The following ITCH variants were observed in gnomAD, a reference collection of about 807,000 sequenced individuals.
The protein encoded by ITCH is E3 ubiquitin-protein ligase Itchy homolog.
Under a neutral mutation model 126.8 loss-of-function variants are expected in ITCH, and 28 were observed. The observed-to-expected ratio is 0.22, with a 90% confidence interval of 0.16 to 0.30. The LOEUF (loss-of-function observed/expected upper bound fraction) is 0.30. Among genes scored for constraint, ITCH ranks in the 10% least tolerant of loss-of-function variants. ITCH has a pLI of 1.00. For synonymous variants in ITCH, 342 were observed against 340.0 expected, an observed-to-expected ratio of 1.01 and a Z score of -0.06; for missense variants, 631 against 1,032.4, an observed-to-expected ratio of 0.61 and a Z score of 5.33.
At chr20:34,460,352 C>CTTTTTT (rs749083015) in intron 13 of ITCH, among the ~76,000 whole-genome samples, 1 of 108,970 alleles carries the variant, frequency 9.2e-6, no homozygotes, top group African/African-American at 3.5e-5. Flanking sequence ...CCACACCCAG[C>CTTTTTT]TTTTTTTTTT....
intron 24 of ITCH, 33 bp downstream of exon 24, chr20:34,504,436 C>T (rs1386944357): frequency 7.1e-7 from 1 of 1,401,746 alleles, no homozygotes; most frequent in Non-Finnish European, 1.0e-6. Context: ...GAGAAAACAG[C>T]TTTTGTCCAG....
At chr20:34,365,181 A>G (rs1468119443) in intron 1 of ITCH, among the ~76,000 whole-genome samples, 2 of 152,098 alleles carry the variant, frequency 1.3e-5, no homozygotes, top group Non-Finnish European at 2.9e-5. Flanking sequence ...AGCCTGGGTG[A>G]CAGAGTGAGA....
At chr20:34,439,297 A>G (rs960016505) in intron 8 of ITCH, among the ~76,000 whole-genome samples, 5 of 152,134 alleles carry the variant, frequency 3.3e-5, no homozygotes, top group African/African-American at 1.2e-4. Context: ...ATTTTTTGAG[A>G]CAGGGTCTCA....
At position 34,420,603 on chromosome 20, in the gene ITCH, G is replaced by A. The variant is rs1360785539; in HGVS notation, c.476-3877G>A. On this transcript the variant is annotated intron_variant, in intron 6 of 24. Transcript: ENST00000374864. Reference sequence around the variant, plus strand: ...TTCATTTCTTTTGGATATATACCTAGGAGTAGAATTGCTGATGCTTGTTTT... The same window carrying A: ...TTCATTTCTTTTGGATATATACCTAAGAGTAGAATTGCTGATGCTTGTTTT... 3.3e-5 allele frequency among the ~76,000 whole-genome samples: 5 copies of A among 152,158 alleles called. 1 individual carries two copies. In the East Asian group the frequency reaches 9.6e-4, roughly 29 times the overall value.
intron 20 of ITCH, among the ~76,000 whole-genome samples, chr20:34,487,299 G>A (rs563749283): frequency 1.1e-4 from 17 of 152,102 alleles, no homozygotes; most frequent in Admixed American, 8.5e-4. Context: ...GGCATGAGCC[G>A]CCGTGCCCAG....
chr20:34,456,643 A>AAAT (rs1986028481), intron 12 of ITCH, among the ~76,000 whole-genome samples: 1 of 143,586 alleles, frequency 7.0e-6, no homozygotes, highest in African/African-American at 2.6e-5. Context: ...CAAAAAAAAA[A>AAAT]ATATATATAT....
Position 34,489,271 on chromosome 20 carries a change from T to C in ITCH, c.2099T>C (p.Val700Ala). The C allele has an allele frequency of 6.2e-7, 1 of 1,613,642 alleles. No individual in the cohort carries two copies. The highest frequency in any genetic ancestry group is 8.5e-7 in the Non-Finnish European group (1 of 1,179,628). The stretch of plus-strand genomic sequence containing the variant: ...TTTTCATATTTGTTTGCCAGAATGG[T>C]AGCTGAGTGGAGGTTGTCTCGAGGT... ...EENKEEYIRM[V>A]AEWRLSRGVE... Residue 700 changes from valine (V) to alanine (A), a missense_variant, in exon 21 of 25, where the codon GTA becomes GCA. By Grantham distance (64) the Val-to-Ala change is moderately conservative. Around this residue, in one of 4 missense-constraint regions of ITCH, gnomAD observed 390 missense variants for 731.6 expected, o/e 0.53. Transcript: ENST00000374864.
At chr20:34,447,716 C>T (rs968400833) in intron 11 of ITCH, among the ~76,000 whole-genome samples, 4 of 152,158 alleles carry the variant, frequency 2.6e-5, no homozygotes, top group East Asian at 3.8e-4. Context: ...TAGTGTTTCC[C>T]GCTGGCCTCC....
intron 2 of ITCH, among the ~76,000 whole-genome samples, chr20:34,382,874 G>C (rs1036733519): frequency 2.0e-5 from 3 of 151,598 alleles, no homozygotes; most frequent in Admixed American, 1.3e-4. Flanking sequence ...CTCCTGAGTA[G>C]CTGGGATTAC....
At chr20:34,391,124 G>A (rs1197839165) in intron 2 of ITCH, among the ~76,000 whole-genome samples, 1 of 152,140 alleles carries the variant, frequency 6.6e-6, no homozygotes, top group East Asian at 1.9e-4. Flanking sequence ...CAGGGGAGAG[G>A]ATGGGACTTG....
chr20:34,364,063 C>T (rs1461905093), intron 1 of ITCH, among the ~76,000 whole-genome samples: 1 of 152,118 alleles, frequency 6.6e-6, no homozygotes, highest in Non-Finnish European at 1.5e-5. Context: ...AGGGTCGAAG[C>T]ATGATGACAT....
chr20:34,364,724 C>CAAAAAAAAAAAAAAAAAAA lies in ITCH; in HGVS notation c.-99+1376_-99+1394dup, dbSNP rs1171765663. On this transcript the variant is annotated intron_variant, in intron 1 of 24. Transcript: ENST00000374864. ...TGAAACCCCGTCTCTACTAAAAATA[C>CAAAAAAAAAAAAAAAAAAA]AAAAAAAAAAAAAAAAAAATCCTGG... Among the ~76,000 whole-genome samples the CAAAAAAAAAAAAAAAAAAA allele has an allele frequency of 1.7e-3, 76 of 45,452 alleles. 2 individuals carry two copies. The highest frequency in any genetic ancestry group is 1.9e-3 in the Non-Finnish European group (52 of 27,376). 29.8% of individuals were successfully genotyped at this position (45,452 alleles called of 152,430 possible). A position where few individuals can be genotyped will look rare whatever the true frequency, so the allele number is the denominator to read the frequency against.
At chr20:34,385,222 G>GTGTGTGTGGTTT (rs2038237540) in intron 2 of ITCH, among the ~76,000 whole-genome samples, 3 of 85,158 alleles carry the variant, frequency 3.5e-5, no homozygotes, top group African/African-American at 1.5e-4. Flanking sequence ...TGTGTGTGTG[G>GTGTGTGTGGTTT]TTTTTTTTTT....
At chr20:34,488,286 A>G (rs1989274285) in intron 20 of ITCH, among the ~76,000 whole-genome samples, 1 of 151,512 alleles carries the variant, frequency 6.6e-6, no homozygotes, top group Non-Finnish European at 1.5e-5. Context: ...TTTCACCTTC[A>G]TTTTTTGAAG....
At chr20:34,483,103 C>T (rs1238369233) in intron 20 of ITCH, among the ~76,000 whole-genome samples, 1 of 151,444 alleles carries the variant, frequency 6.6e-6, no homozygotes, top group Non-Finnish European at 1.5e-5. Flanking sequence ...AGCGTGGGGA[C>T]CCTGGGCCCG....
intron 16 of ITCH, chr20:34,476,390 C>G: frequency 7.9e-7 from 1 of 1,258,898 alleles, no homozygotes; most frequent in Non-Finnish European, 1.0e-6. Context: ...GCGCGGGACC[C>G]GGCGTGGTGC....
At chr20:34,378,067 T>C (rs1601752369) in intron 2 of ITCH, among the ~76,000 whole-genome samples, 1 of 152,090 alleles carries the variant, frequency 6.6e-6, no homozygotes, top group Non-Finnish European at 1.5e-5. Context: ...TCCTCATTCT[T>C]GGCCAAATAC....
At chr20:34,418,739 T>G (rs1980307677) in intron 6 of ITCH, among the ~76,000 whole-genome samples, 3 of 149,400 alleles carry the variant, frequency 2.0e-5, no homozygotes, top group Admixed American at 6.9e-5. Context: ...AACTCCTTTC[T>G]TTCTTTTTCT....
At chr20:34,467,258 G>A (rs769109443) in intron 14 of ITCH, among the ~76,000 whole-genome samples, 3 of 152,204 alleles carry the variant, frequency 2.0e-5, no homozygotes, top group Non-Finnish European at 4.4e-5. Flanking sequence ...GGCAGGCCCA[G>A]TGGCTCATGC....
Sources: allele counts gnomAD v4.1 joint callset (sites outside exome capture counted in the v4.1 genomes callset), GRCh38; gene constraint gnomAD v4.1.1; regional missense constraint gnomAD v4.1.1; transcripts MANE v1.5; gene names NCBI Gene and HGNC (gene_info 2026-07-23, HGNC 2026-07-21).